The following STARD13 variants were observed in gnomAD, a reference collection of about 807,000 sequenced individuals.
The protein encoded by STARD13 is StAR related lipid transfer domain containing 13.
Under a neutral mutation model 106.4 loss-of-function variants are expected in STARD13, and 62 were observed. That is an observed-to-expected ratio of 0.58 (90% CI 0.48 to 0.72). The LOEUF (loss-of-function observed/expected upper bound fraction) is 0.72, where lower values mean the gene tolerates loss of function less well. STARD13 is among the 30% of genes least tolerant of loss of function. The pLI is 0.00. For synonymous variants in STARD13, 565 were observed against 553.0 expected (o/e 1.02, Z -0.31); for missense variants, 1,387 against 1,424.0 (o/e 0.97, Z 0.42).
chr13:33,109,481 C>T (rs1874209330), intron 12 of STARD13, among the ~76,000 whole-genome samples: 1 of 152,214 alleles, frequency 6.6e-6, no homozygotes, highest in Non-Finnish European at 1.5e-5. Flanking sequence ...TTGAGAGTTA[C>T]ACACACTTTC....
At chr13:33,125,921 G>A (rs1877086320) in intron 7 of STARD13, among the ~76,000 whole-genome samples, 160 bp downstream of exon 7, 1 of 151,720 alleles carries the variant, frequency 6.6e-6, no homozygotes, top group Non-Finnish European at 1.5e-5. Context: ...GACATGTCTT[G>A]TTCAAATTAA....
intron 1 of STARD13, chr13:33,274,092 C>CTTTTTT (rs3028471): frequency 6.7e-6 from 1 of 148,732 alleles, no homozygotes. Flanking sequence ...ATCAGTCTGT[C>CTTTTTT]TTTTTTTTTT....
chr13:33,119,242 C>G (rs1875882051), intron 7 of STARD13, among the ~76,000 whole-genome samples: 1 of 152,170 alleles, frequency 6.6e-6, no homozygotes, highest in South Asian at 2.1e-4. Flanking sequence ...AATATGTCTG[C>G]TATTTTTTAA....
chr13:33,487,636 C>A, the STARD13 span, among the ~76,000 whole-genome samples: 1 of 152,082 alleles, frequency 6.6e-6, no homozygotes. Flanking sequence ...AATTTGGGCA[C>A]CTTCATAATC....
chr13:33,326,722 G>A (rs2138546114), intron 1 of STARD13, among the ~76,000 whole-genome samples: 1 of 152,224 alleles, frequency 6.6e-6, no homozygotes, highest in Admixed American at 6.5e-5. Flanking sequence ...TTAAAACTTG[G>A]GAATTAATAA....
At chr13:33,326,936 G>T (rs2077782500) in intron 1 of STARD13, among the ~76,000 whole-genome samples, 1 of 152,188 alleles carries the variant, frequency 6.6e-6, no homozygotes, top group African/African-American at 2.4e-5. Flanking sequence ...ACGTGACTTT[G>T]TTCAAGTTCC....
chr13:33,256,372 T>C (rs947509005), intron 1 of STARD13, among the ~76,000 whole-genome samples: 3 of 152,210 alleles, frequency 2.0e-5, no homozygotes, highest in Admixed American at 6.5e-5. Flanking sequence ...TGCCATTGTG[T>C]CCGCCTCACT....
At chr13:33,151,253 G>A (rs1881238079) in intron 3 of STARD13, among the ~76,000 whole-genome samples, 1 of 152,166 alleles carries the variant, frequency 6.6e-6, no homozygotes, top group African/African-American at 2.4e-5. Flanking sequence ...TGATTTATAA[G>A]GAAAAGAAGT....
intron 1 of STARD13, among the ~76,000 whole-genome samples, chr13:33,234,404 A>G (rs568452768): frequency 4.6e-5 from 7 of 152,302 alleles, no homozygotes; most frequent in Admixed American, 4.6e-4. Flanking sequence ...CTTCACACTC[A>G]TCATGCCATC....
chr13:33,412,489 T>C, the STARD13 span, among the ~76,000 whole-genome samples: 1 of 152,160 alleles, frequency 6.6e-6, no homozygotes, highest in African/African-American at 2.4e-5. Context: ...ATAATTACAT[T>C]GAACATAGTG....
the STARD13 span, among the ~76,000 whole-genome samples, chr13:33,463,857 C>T: frequency 3.4e-4 from 52 of 151,852 alleles, no homozygotes; most frequent in African/African-American, 1.2e-3. Flanking sequence ...ACTAAAACTG[C>T]AAAAATTAGC....
At chr13:33,645,025 G>T in the STARD13 span, among the ~76,000 whole-genome samples, 1 of 152,296 alleles carries the variant, frequency 6.6e-6, no homozygotes, top group South Asian at 2.1e-4. Context: ...CTTTGTGGTA[G>T]ATTGCTTCCA....
At chr13:33,463,577 T>A in the STARD13 span, among the ~76,000 whole-genome samples, 48 of 152,128 alleles carry the variant, frequency 3.2e-4, no homozygotes, top group Non-Finnish European at 6.3e-4. Context: ...GCCTCCTACC[T>A]CAGAAGTGCC....
At chr13:33,621,834 C>G in the STARD13 span, among the ~76,000 whole-genome samples, 1 of 149,892 alleles carries the variant, frequency 6.7e-6, no homozygotes, top group Non-Finnish European at 1.5e-5. Flanking sequence ...GACGAAGTCT[C>G]GCTCTTGTCA....
At chr13:33,423,698 T>C in the STARD13 span, among the ~76,000 whole-genome samples, 1 of 152,196 alleles carries the variant, frequency 6.6e-6, no homozygotes, top group Non-Finnish European at 1.5e-5. Flanking sequence ...CCAACCCAAA[T>C]GTTCATCAAG....
At chr13:33,342,470 T>A (rs1165418518) in intron 1 of STARD13, among the ~76,000 whole-genome samples, 1 of 152,190 alleles carries the variant, frequency 6.6e-6, no homozygotes, top group African/African-American at 2.4e-5. Flanking sequence ...TTTGCTTTTT[T>A]ACTTTGCAAT....
chr13:33,629,310 A>G, the STARD13 span, among the ~76,000 whole-genome samples: 1 of 152,260 alleles, frequency 6.6e-6, no homozygotes, highest in Non-Finnish European at 1.5e-5. Flanking sequence ...ATTACTGGAC[A>G]CTATTACTTA....
At chr13:33,554,813 T>G in the STARD13 span, among the ~76,000 whole-genome samples, 1 of 152,116 alleles carries the variant, frequency 6.6e-6, no homozygotes, top group Non-Finnish European at 1.5e-5. Context: ...TCCACAGAGA[T>G]AAAGGTGAAG....
the STARD13 span, among the ~76,000 whole-genome samples, chr13:33,444,990 C>T: frequency 6.6e-6 from 1 of 152,132 alleles, no homozygotes; most frequent in African/African-American, 2.4e-5. Flanking sequence ...AGTAATGTAT[C>T]CTTTGCCCAC....
Sources: gnomAD v4.1 joint callset for allele counts (sites outside exome capture counted in the v4.1 genomes callset) on GRCh38, gnomAD v4.1.1 for gene constraint, MANE v1.5 for transcripts, NCBI Gene and HGNC (gene_info 2026-07-23, HGNC 2026-07-21) for gene names.